The following SEZ6L variants were observed in gnomAD, a reference collection of about 807,000 sequenced individuals.
SEZ6L encodes the protein seizure related 6 homolog like.
In SEZ6L, 37 loss-of-function variants were observed where a neutral mutation model predicts 106.2. That is an observed-to-expected ratio of 0.35 (90% CI 0.27 to 0.46). SEZ6L has a LOEUF of 0.46. SEZ6L is among the 20% of genes least tolerant of loss of function. The pLI is 1.00. For synonymous variants in SEZ6L, 541 were observed against 570.4 expected (o/e 0.95, Z 0.73); for missense variants, 1,172 against 1,332.8 (o/e 0.88, Z 1.88).
At chr22:26,287,057 CT>C (rs71192909) in intron 1 of SEZ6L, among the ~76,000 whole-genome samples, 42,117 of 141,318 alleles carry the variant, frequency 0.3, 6,568 homozygotes, top group Non-Finnish European at 0.38. Flanking sequence ...CGAGCTTGTG[CT>C]TTTTTTTTTT....
intron 9 of SEZ6L, among the ~76,000 whole-genome samples, chr22:26,326,727 C>A (rs1179363881): frequency 1.3e-5 from 2 of 152,182 alleles, no homozygotes; most frequent in African/African-American, 4.8e-5. Context: ...AGCAGGCAAG[C>A]AGTGTAGTCA....
At chr22:26,183,773 G>A (rs754790700) in intron 1 of SEZ6L, among the ~76,000 whole-genome samples, 11 of 152,192 alleles carry the variant, frequency 7.2e-5, no homozygotes, top group Non-Finnish European at 1.6e-4. Context: ...AGCTGAGCAT[G>A]TGTATAGATA....
In SEZ6L at chr22:26,378,237, A is replaced by G. The variant is rs78870247; in HGVS notation, c.3045+462A>G. 9.3e-3 allele frequency among the ~76,000 whole-genome samples: 1,410 copies of G among 152,356 alleles called. 19 individuals carry two copies. Among genetic ancestry groups the G allele is most frequent in the African/African-American group, 0.032 (1,337 of 41,584 alleles). ...TAATGAGCCTACCGTCTTGTGAATT[A>G]TTATTATCAATAATAATACATGCCA... On this transcript the variant is annotated intron_variant, in intron 16 of 16. Coordinates refer to ENST00000248933, the MANE Select transcript of SEZ6L (RefSeq NM_021115.5).
chr22:26,286,547 C>T (rs1431923530), intron 1 of SEZ6L, among the ~76,000 whole-genome samples: 2 of 152,186 alleles, frequency 1.3e-5, no homozygotes, highest in African/African-American at 4.8e-5. Flanking sequence ...CATTTTCATA[C>T]ATACCATAGA....
intron 1 of SEZ6L, among the ~76,000 whole-genome samples, chr22:26,221,360 G>A (rs978953331): frequency 6.6e-6 from 1 of 152,062 alleles, no homozygotes; most frequent in African/African-American, 2.4e-5. Flanking sequence ...AACCATAGCA[G>A]TTTTTAGCAT....
chr22:26,374,875 G>A (rs180775709), intron 14 of SEZ6L, among the ~76,000 whole-genome samples: 2 of 152,284 alleles, frequency 1.3e-5, no homozygotes, highest in Admixed American at 6.5e-5. Context: ...GAGAGCAGCC[G>A]GGAAATGTGC....
At chr22:26,356,688 A>G (rs35575453) in intron 12 of SEZ6L, among the ~76,000 whole-genome samples, 90,218 of 143,998 alleles carry the variant, frequency 0.63, 28,827 homozygotes, top group Middle Eastern at 0.79. Flanking sequence ...TAATAATAAT[A>G]ATAATGACAA....
intron 6 of SEZ6L, among the ~76,000 whole-genome samples, chr22:26,307,868 T>G (rs1466668975): frequency 6.6e-6 from 1 of 152,166 alleles, no homozygotes; most frequent in Admixed American, 6.5e-5. Flanking sequence ...TTTCTTATTT[T>G]CTGCAAGTTG....
At chr22:26,296,055 T>C (rs982937471) in intron 3 of SEZ6L, among the ~76,000 whole-genome samples, 4 of 152,122 alleles carry the variant, frequency 2.6e-5, no homozygotes, top group African/African-American at 9.7e-5. Flanking sequence ...AAACTAAAGT[T>C]CCAAGCCCTA....
At chr22:26,303,217 T>C (rs1043349595) in intron 5 of SEZ6L, among the ~76,000 whole-genome samples, 3 of 152,186 alleles carry the variant, frequency 2.0e-5, no homozygotes, top group Non-Finnish European at 4.4e-5. Flanking sequence ...CTGTCTGTGG[T>C]CCTGAAAGAA....
intron 1 of SEZ6L, among the ~76,000 whole-genome samples, chr22:26,183,784 T>C (rs1015458840): frequency 1.3e-5 from 2 of 152,330 alleles, no homozygotes; most frequent in Non-Finnish European, 1.5e-5. Context: ...TGTATAGATA[T>C]AAATAATATG....
chr22:26,170,647 TAGAG>T (rs1478961627), intron 1 of SEZ6L, among the ~76,000 whole-genome samples: 4 of 151,996 alleles, frequency 2.6e-5, no homozygotes. Context: ...GAGGGCCAGA[TAGAG>T]AGAGGGGTGC....
Position 26,243,960 on chromosome 22 carries a change from C to T in SEZ6L, c.95-48446C>T, listed in dbSNP as rs140092330. Among the ~76,000 whole-genome samples the T allele has an allele frequency of 7.9e-3, 1,202 of 152,010 alleles. 22 individuals are homozygous for T. Among genetic ancestry groups the T allele is most frequent in the African/African-American group, 0.027 (1,102 of 41,464 alleles). ...GATAGATCACTTGAGCTCAGGAGTT[C>T]GAGACCAGCCTGGGCAACATTGTGA... is the stretch of plus-strand genomic sequence containing the variant. On this transcript the variant is annotated intron_variant, in intron 1 of 16. Coordinates refer to ENST00000248933, the MANE Select transcript of SEZ6L (RefSeq NM_021115.5).
At chr22:26,240,090 A>T (rs868470527) in intron 1 of SEZ6L, among the ~76,000 whole-genome samples, 125 of 110,182 alleles carry the variant, frequency 1.1e-3, no homozygotes, top group Middle Eastern at 4.3e-3. Context: ...ACACACACAC[A>T]CTCACACACA....
chr22:26,328,288 G>A (rs1379857971), intron 9 of SEZ6L, among the ~76,000 whole-genome samples: 1 of 152,218 alleles, frequency 6.6e-6, no homozygotes, highest in Non-Finnish European at 1.5e-5. Flanking sequence ...CCTCAGCAGG[G>A]TGCCTAGTTC....
chr22:26,328,935 T>A (rs1030954119), intron 9 of SEZ6L, among the ~76,000 whole-genome samples: 1 of 152,062 alleles, frequency 6.6e-6, no homozygotes, highest in East Asian at 1.9e-4. Flanking sequence ...GAGTTTTAAG[T>A]GACACTAATT....
intron 1 of SEZ6L, among the ~76,000 whole-genome samples, chr22:26,261,255 A>G (rs1443297052): frequency 2.0e-5 from 3 of 152,050 alleles, no homozygotes; most frequent in Non-Finnish European, 2.9e-5. Context: ...TCACCTATTT[A>G]TCTTTGTTTT....
rs16981814 is a variant in SEZ6L at position 26,343,752 on chromosome 22, C to T, written c.2212+3120C>T. 7.3e-3 allele frequency among the ~76,000 whole-genome samples: 1,116 copies of T among 152,318 alleles called. 10 individuals carry two copies. Among genetic ancestry groups the T allele is most frequent in the African/African-American group, 0.026 (1,070 of 41,556 alleles). The stretch of plus-strand genomic sequence containing the variant: ...GCAGAGAATGTTTTTCAGGGATACA[C>T]AGCTTGGCTAGTTTGGGTAACAAAA... On this transcript the variant is annotated intron_variant, in intron 10 of 16. Coordinates refer to ENST00000248933, the MANE Select transcript of SEZ6L (RefSeq NM_021115.5).
Position 26,195,739 on chromosome 22 carries a change from ATG to A in SEZ6L, c.94+25988_94+25989del, listed in dbSNP as rs149349678. ...TGTGTATGTATACGTATGTGTATGTATGTGTGTGTGTGTATATGTATAGTGTG... is the reference window on the plus strand; with the variant it reads ...TGTGTATGTATACGTATGTGTATGTATGTGTGTGTGTATATGTATAGTGTG... On this transcript the variant is annotated intron_variant, in intron 1 of 16. Coordinates refer to ENST00000248933, the MANE Select transcript of SEZ6L (RefSeq NM_021115.5). Among the ~76,000 whole-genome samples, 1,139 of 151,614 alleles carry A rather than the reference ATG, an allele frequency of 7.5e-3. 21 individuals are homozygous for A. The highest frequency in any genetic ancestry group is 0.025 in the African/African-American group (1,041 of 41,372).
Sources: allele counts gnomAD v4.1 joint callset (sites outside exome capture counted in the v4.1 genomes callset), GRCh38; gene constraint gnomAD v4.1.1; transcripts MANE v1.5; gene names NCBI Gene and HGNC (gene_info 2026-07-23, HGNC 2026-07-21).